The following GSE1 variants were observed in gnomAD, a reference collection of about 807,000 sequenced individuals.
GSE1 encodes the protein Gse1 coiled-coil protein, also known as genetic suppressor element 1.
Under a neutral mutation model 112.6 loss-of-function variants are expected in GSE1, and 32 were observed. That is an observed-to-expected ratio of 0.28 (90% CI 0.21 to 0.38). The LOEUF (loss-of-function observed/expected upper bound fraction) is 0.38, where lower values mean the gene tolerates loss of function less well. Among genes scored for constraint, GSE1 ranks in the 10% least tolerant of loss-of-function variants. GSE1 has a pLI of 1.00. For missense variants in GSE1, 2,348 were observed against 1,699.2 expected (o/e 1.38, Z -6.71); for synonymous variants, 1,115 against 735.6 (o/e 1.52, Z -8.35).
At chr16:85,557,825 C>T (rs2045312741) in intron 1 of GSE1, among the ~76,000 whole-genome samples, 1 of 148,672 alleles carries the variant, frequency 6.7e-6, no homozygotes, top group South Asian at 2.1e-4. Flanking sequence ...GAAATCTGTA[C>T]TTTTACTCTT....
chr16:85,357,396 G>C, intron 1 of GSE1: 1 of 1,005,544 alleles, frequency 9.9e-7, no homozygotes, highest in Non-Finnish European at 1.3e-6. Context: ...TGGCCAGAGA[G>C]TCCATTCATG....
chr16:85,351,064 A>G (rs1162554778), intron 1 of GSE1, among the ~76,000 whole-genome samples: 1 of 152,162 alleles, frequency 6.6e-6, no homozygotes, highest in Non-Finnish European at 1.5e-5. Context: ...ATTGTACTCA[A>G]AAGGAAACCA....
At chr16:85,607,939 G>A (rs2047782740), upstream of GSE1, among the ~76,000 whole-genome samples, 1 of 152,210 alleles carries the variant, frequency 6.6e-6, no homozygotes, top group Non-Finnish European at 1.5e-5. Flanking sequence ...CTTCTTCTCA[G>A]GCACTGCTTG....
intron 2 of GSE1, among the ~76,000 whole-genome samples, chr16:85,429,369 T>C (rs921932701): frequency 6.6e-6 from 1 of 152,222 alleles, no homozygotes; most frequent in Non-Finnish European, 1.5e-5. Flanking sequence ...AGCTTCTCCA[T>C]GCAGGAGTTG....
intron 1 of GSE1, among the ~76,000 whole-genome samples, chr16:85,628,352 A>AC (rs2049254579): frequency 6.6e-6 from 1 of 152,100 alleles, no homozygotes; most frequent in Non-Finnish European, 1.5e-5. Flanking sequence ...CCCGCAGGGG[A>AC]CCCCCAGGGA....
rs761581377 is a variant in GSE1 at position 85,654,366 on chromosome 16, T to TCCCCTCGCACCTGCTCAGCAC, written c.521_541dup (p.Ser174_Pro180dup). 1 of 1,612,040 alleles carries TCCCCTCGCACCTGCTCAGCAC rather than the reference T, an allele frequency of 6.2e-7. No homozygotes were observed. The highest frequency in any genetic ancestry group is 1.1e-5 in the South Asian group (1 of 91,046). On this transcript the variant is annotated inframe_insertion, in exon 4 of 16. Transcript: ENST00000253458. Reference sequence around the variant, plus strand: ...CAGGAGAAGGCAGGGGGACCAGCCATCCCCTCGCACCTGCTCAGCACCCCC... The same window carrying TCCCCTCGCACCTGCTCAGCAC: ...CAGGAGAAGGCAGGGGGACCAGCCATCCCCTCGCACCTGCTCAGCACCCCCTCGCACCTGCTCAGCACCCCC...
chr16:85,567,199 G>T (rs1193212700), intron 1 of GSE1, among the ~76,000 whole-genome samples: 2 of 152,182 alleles, frequency 1.3e-5, no homozygotes, highest in African/African-American at 2.4e-5. Context: ...CGTTGCGGGG[G>T]AGGGGATGGG....
At chr16:85,347,900 C>G (rs972397973) in intron 1 of GSE1, among the ~76,000 whole-genome samples, 1 of 152,214 alleles carries the variant, frequency 6.6e-6, no homozygotes, top group Admixed American at 6.5e-5. Context: ...GATTTTTCAG[C>G]CCCAGCAGCC....
At chr16:85,555,500 G>T, upstream of GSE1, 1 of 985,090 alleles carries the variant, frequency 1.0e-6, no homozygotes, top group Non-Finnish European at 1.2e-6. Flanking sequence ...TTATTTACGA[G>T]AAGAAATCTC....
intron 1 of GSE1, among the ~76,000 whole-genome samples, chr16:85,208,932 T>C (rs2075171584): frequency 1.5e-5 from 2 of 136,958 alleles, no homozygotes; most frequent in Admixed American, 7.3e-5. Flanking sequence ...GGGGTTCGCC[T>C]GTGTTGGGGT....
At chr16:85,320,942 A>T (rs2046094277) in intron 1 of GSE1, among the ~76,000 whole-genome samples, 1 of 151,956 alleles carries the variant, frequency 6.6e-6, no homozygotes. Context: ...CTAGGAGTCT[A>T]CTCACATGAC....
chr16:85,627,376 C>T (rs896662289), intron 1 of GSE1, among the ~76,000 whole-genome samples: 1 of 152,018 alleles, frequency 6.6e-6, no homozygotes, highest in African/African-American at 2.4e-5. Flanking sequence ...CTGAAAGGGT[C>T]CAGGGAGCAG....
At chr16:85,303,782 T>A (rs771077667) in intron 1 of GSE1, among the ~76,000 whole-genome samples, 1 of 152,212 alleles carries the variant, frequency 6.6e-6, no homozygotes, top group Non-Finnish European at 1.5e-5. Flanking sequence ...TGCCTCAGTT[T>A]CCTCACGAGT....
rs140262878 is a variant in GSE1, at chr16:85,671,092, C to T, written c.3513C>T (p.Ser1171=). Residue 1171 remains serine, a synonymous_variant, in exon 15 of 16, where the codon AGC becomes AGT. Coordinates refer to ENST00000253458, the MANE Select transcript of GSE1 (RefSeq NM_014615.5). ...LSLTAEQLSH[S]VAELRSQKQK... ...TGACGGCAGAGCAGCTCTCCCACAG[C>T]GTGGCGGTGAGTTGGGAAGGGATGG... 9.2e-5 allele frequency: 147 copies of T among 1,592,284 alleles called. No homozygotes were observed. The African/African-American group carries it at 1.3e-3, about 14-fold the overall frequency.
intron 1 of GSE1, among the ~76,000 whole-genome samples, chr16:85,302,182 AAGAG>A (rs142794307): frequency 2.1e-4 from 32 of 151,858 alleles, no homozygotes; most frequent in African/African-American, 7.7e-4. Flanking sequence ...GAGGAAATAA[AAGAG>A]AGAGAGAGAG....
chr16:85,654,372 C>G lies in GSE1; in HGVS notation c.521C>G (p.Ser174Trp). The G allele has an allele frequency of 6.2e-7, 1 of 1,611,954 alleles. No homozygotes were observed. The highest frequency in any genetic ancestry group is 8.5e-7 in the Non-Finnish European group (1 of 1,179,378). The change falls in exon 4 of 16, where the codon TCG (serine) becomes TGG (tryptophan). Residue 174 changes from serine (S) to tryptophan (W), a missense_variant. By Grantham distance (177) the Ser-to-Trp change is radical (BLOSUM62 -3). Transcript: ENST00000253458. ...AAGGCAGGGGGACCAGCCATCCCCT[C>G]GCACCTGCTCAGCACCCCCTACCCC... The part of the protein sequence containing the change: ...QEKAGGPAIP[S>W]HLLSTPYPFG...
chr16:85,504,005 G>A (rs955176392), intron 2 of GSE1, among the ~76,000 whole-genome samples: 1 of 152,126 alleles, frequency 6.6e-6, no homozygotes, highest in South Asian at 2.1e-4. Context: ...ACCGGAGCCC[G>A]GGCTGCCGAC....
intron 2 of GSE1, among the ~76,000 whole-genome samples, chr16:85,382,948 T>C (rs1441926925): frequency 1.4e-5 from 2 of 147,856 alleles, no homozygotes; most frequent in African/African-American, 2.5e-5. Context: ...CACGTACACA[T>C]GCACACACGT....
chr16:85,365,009 T>G (rs975528818), intron 2 of GSE1, among the ~76,000 whole-genome samples: 1 of 152,230 alleles, frequency 6.6e-6, no homozygotes, highest in Non-Finnish European at 1.5e-5. Flanking sequence ...TTTGGAGGCC[T>G]GTCCTCAGGC....
Sources: allele counts gnomAD v4.1 joint callset (sites outside exome capture counted in the v4.1 genomes callset), GRCh38; gene constraint gnomAD v4.1.1; transcripts MANE v1.5; gene names NCBI Gene and HGNC (gene_info 2026-07-23, HGNC 2026-07-21).